Variants in MAP4K3 observed in about 807,000 individuals in gnomAD.
MAP4K3 encodes mitogen-activated protein kinase kinase kinase kinase 3.
In MAP4K3, 94 loss-of-function variants were observed where a neutral mutation model predicts 143.5. The observed-to-expected ratio is 0.65, with a 90% CI of 0.55 to 0.78. MAP4K3 has a LOEUF of 0.78. Ranked by LOEUF, MAP4K3 falls within the 30% of genes least tolerant of loss-of-function variation. MAP4K3 has a pLI of 0.00. For missense variants in MAP4K3, 1,077 were observed against 1,068.1 expected, an observed-to-expected ratio of 1.01 and a Z score of -0.12; for synonymous variants, 416 against 347.2, an observed-to-expected ratio of 1.20 and a Z score of -2.20.
At chr2:39,354,683 A>C (rs1222021632) in intron 3 of MAP4K3, among the ~76,000 whole-genome samples, 5 of 151,388 alleles carry the variant, frequency 3.3e-5, no homozygotes, top group Middle Eastern at 3.4e-3. Flanking sequence ...CAAAAAAAAA[A>C]CAAAAAAACT....
chr2:39,253,648 G>C (rs1680234920), intron 32 of MAP4K3, among the ~76,000 whole-genome samples: 1 of 152,110 alleles, frequency 6.6e-6, no homozygotes, highest in Non-Finnish European at 1.5e-5. Context: ...TGAACACTGT[G>C]GTATATTGCT....
chr2:39,252,078 T>G (rs12466321), intron 32 of MAP4K3, among the ~76,000 whole-genome samples, 193 bp from the exon 33 acceptor site: 2,766 of 152,300 alleles, frequency 0.018, 39 homozygotes, highest in Non-Finnish European at 0.028. Flanking sequence ...TAATTTTGAG[T>G]TAATCATAAA....
At chr2:39,265,122 T>G in intron 28 of MAP4K3, 81 bp downstream of exon 28, 4 of 996,796 alleles carry the variant, frequency 4.0e-6, no homozygotes, top group Non-Finnish European at 6.1e-6. Context: ...GAAAATTAAC[T>G]GAAAAAAATG....
intron 1 of MAP4K3, among the ~76,000 whole-genome samples, chr2:39,390,551 T>C (rs756186112): frequency 6.6e-6 from 1 of 152,034 alleles, no homozygotes; most frequent in Non-Finnish European, 1.5e-5. Flanking sequence ...AAGCGTGAAA[T>C]GGCAGATGAA....
chr2:39,433,574 T>A (rs1665359876), intron 1 of MAP4K3, among the ~76,000 whole-genome samples: 1 of 152,206 alleles, frequency 6.6e-6, no homozygotes, highest in African/African-American at 2.4e-5. Flanking sequence ...CATTTTTTCA[T>A]TTTTTTGGAT....
At chr2:39,304,171 G>C (rs1682610762) in intron 15 of MAP4K3, among the ~76,000 whole-genome samples, 1 of 147,932 alleles carries the variant, frequency 6.8e-6, no homozygotes, top group Non-Finnish European at 1.5e-5. Context: ...TTTTGAGAGA[G>C]CACTTTTGGA....
At chr2:39,250,876 GAAGTA>G (rs1216461537) in intron 33 of MAP4K3, among the ~76,000 whole-genome samples, 171 bp from the exon 34 acceptor site, 2 of 152,194 alleles carry the variant, frequency 1.3e-5, no homozygotes, top group Non-Finnish European at 2.9e-5. Flanking sequence ...CTAGCTCTGG[GAAGTA>G]ATTTTGCTGT....
chr2:39,421,056 A>C (rs986803924), intron 1 of MAP4K3, among the ~76,000 whole-genome samples: 3 of 152,064 alleles, frequency 2.0e-5, no homozygotes, highest in Non-Finnish European at 2.9e-5. Context: ...CTTCCACATA[A>C]TCTGAAATAT....
chr2:39,355,997 G>C (rs1454919019), intron 3 of MAP4K3, among the ~76,000 whole-genome samples: 1 of 152,214 alleles, frequency 6.6e-6, no homozygotes, highest in Non-Finnish European at 1.5e-5. Flanking sequence ...ACCACTGGAA[G>C]ACTAACCGTA....
At chr2:39,365,430 A>AATTTTT (rs201894555) in intron 2 of MAP4K3, among the ~76,000 whole-genome samples, 24 of 87,908 alleles carry the variant, frequency 2.7e-4, no homozygotes, top group South Asian at 7.7e-4. Flanking sequence ...CGCCATAGTA[A>AATTTTT]TTTTTTTTTT....
chr2:39,255,473 C>G (rs1345953255), intron 31 of MAP4K3, among the ~76,000 whole-genome samples: 1 of 152,130 alleles, frequency 6.6e-6, no homozygotes, highest in Non-Finnish European at 1.5e-5. Context: ...ATTTCTTCCC[C>G]ACTAATACAT....
chr2:39,266,762 G>T (rs1680783391), intron 27 of MAP4K3, among the ~76,000 whole-genome samples: 1 of 152,050 alleles, frequency 6.6e-6, no homozygotes, highest in African/African-American at 2.4e-5. Context: ...ATTGTTATTG[G>T]GGTGGGGGAG....
chr2:39,272,520 C>T lies in MAP4K3; in HGVS notation c.1817G>A (p.Trp606Ter). 6.2e-7 allele frequency: 1 copy of T among 1,613,316 alleles called. No individual in the cohort carries two copies. Among genetic ancestry groups the T allele is most frequent in the Non-Finnish European group, 8.5e-7 (1 of 1,179,582 alleles). ...CAAGCAATTGTTCATTACATACAAC[C>T]ATGTACACCTTCGAGGGAATAGCTG... ...MEQLFPRRCT[W>*]LYVMNNCLLS... Residue 606 changes from tryptophan to a stop codon, truncating the protein, a stop_gained, in exon 25 of 34, where the codon TGG (tryptophan) becomes TAG (stop). Transcript: ENST00000263881. LOFTEE classifies it high-confidence loss of function.
intron 3 of MAP4K3, among the ~76,000 whole-genome samples, chr2:39,347,843 A>G (rs6753448): frequency 0.82 from 124,332 of 151,926 alleles, 51,661 homozygotes; most frequent in Non-Finnish European, 0.9. Flanking sequence ...GTCATTAATT[A>G]TCTGATTAGA....
At chr2:39,417,422 T>G (rs1667415156) in intron 1 of MAP4K3, among the ~76,000 whole-genome samples, 1 of 152,096 alleles carries the variant, frequency 6.6e-6, no homozygotes, top group South Asian at 2.1e-4. Context: ...GGTTTCACCG[T>G]GTTAGCCAGG....
chr2:39,296,960 T>C (rs901694211), intron 16 of MAP4K3, among the ~76,000 whole-genome samples: 1 of 152,192 alleles, frequency 6.6e-6, no homozygotes, highest in African/African-American at 2.4e-5. Flanking sequence ...TCATGTAGCT[T>C]ATAGGAAAAG....
intron 6 of MAP4K3, among the ~76,000 whole-genome samples, chr2:39,334,955 G>A (rs994904558): frequency 3.3e-5 from 5 of 152,136 alleles, no homozygotes; most frequent in African/African-American, 1.2e-4. Context: ...GCAGAGATCT[G>A]GGTGAAGTAA....
intron 1 of MAP4K3, among the ~76,000 whole-genome samples, chr2:39,402,949 G>C (rs1666988010): frequency 6.6e-6 from 1 of 151,952 alleles, no homozygotes; most frequent in South Asian, 2.1e-4. Flanking sequence ...ATTTCAACTT[G>C]GATGAAATGA....
intron 8 of MAP4K3, among the ~76,000 whole-genome samples, chr2:39,327,227 G>A (rs1169533165): frequency 6.6e-6 from 1 of 151,956 alleles, no homozygotes; most frequent in Non-Finnish European, 1.5e-5. Flanking sequence ...ATTCCGTCGG[G>A]CACCAATAAT....
Sources: allele counts gnomAD v4.1 joint callset (sites outside exome capture counted in the v4.1 genomes callset), GRCh38; gene constraint gnomAD v4.1.1; transcripts MANE v1.5; gene names NCBI Gene and HGNC (gene_info 2026-07-23, HGNC 2026-07-21).